HNRNPA1L2: variants seen among roughly 807,000 people sequenced by gnomAD.
HNRNPA1L2 encodes the protein heterogeneous nuclear ribonucleoprotein A1 like 2.
In HNRNPA1L2, 10 loss-of-function variants were observed where a neutral mutation model predicts 18.2. The observed-to-expected ratio is 0.55, with a 90% CI of 0.34 to 0.93. The LOEUF is 0.93. Among genes scored for constraint, HNRNPA1L2 ranks in the 40% least tolerant of loss-of-function variants. The pLI, the probability that HNRNPA1L2 is intolerant of heterozygous loss-of-function variation, is 0.02. For synonymous variants in HNRNPA1L2, 124 were observed against 138.6 expected, an observed-to-expected ratio of 0.89 and a Z score of 0.74; for missense variants, 308 against 394.4, an observed-to-expected ratio of 0.78 and a Z score of 1.85.
chr13:52,623,706 A>G, the HNRNPA1L2 span, among the ~76,000 whole-genome samples: 2 of 152,160 alleles, frequency 1.3e-5, no homozygotes, highest in Non-Finnish European at 2.9e-5. Context: ...AGCTTCATGC[A>G]TAGCCTGCTT....
the HNRNPA1L2 span, among the ~76,000 whole-genome samples, chr13:52,619,607 C>G: frequency 4.3e-4 from 65 of 152,122 alleles, no homozygotes; most frequent in African/African-American, 1.5e-3. Flanking sequence ...GCCGCTGCAC[C>G]TGACCAGTGT....
upstream of HNRNPA1L2, among the ~76,000 whole-genome samples, chr13:52,640,235 C>T (rs1961615954): frequency 6.6e-6 from 1 of 152,206 alleles, no homozygotes; most frequent in African/African-American, 2.4e-5. Flanking sequence ...AGCCATTGCA[C>T]CCAGCTGATG....
chr13:52,618,395 A>G, the HNRNPA1L2 span, among the ~76,000 whole-genome samples: 3 of 152,234 alleles, frequency 2.0e-5, no homozygotes, highest in South Asian at 2.1e-4. Flanking sequence ...ATGAAAGCCT[A>G]ATTCCACTGT....
chr13:52,630,819 T>C, the HNRNPA1L2 span, among the ~76,000 whole-genome samples: 3 of 152,206 alleles, frequency 2.0e-5, no homozygotes, highest in Non-Finnish European at 2.9e-5. Context: ...TACATATTAT[T>C]GAATAAAGTA....
chr13:52,627,035 GT>G, the HNRNPA1L2 span, among the ~76,000 whole-genome samples: 2 of 152,226 alleles, frequency 1.3e-5, no homozygotes, highest in South Asian at 2.1e-4. Context: ...CTGACAATTT[GT>G]TTTTTCATTC....
chr13:52,633,562 A>G, the HNRNPA1L2 span, among the ~76,000 whole-genome samples: 2 of 152,202 alleles, frequency 1.3e-5, no homozygotes, highest in Non-Finnish European at 2.9e-5. Context: ...AATGTTGTAT[A>G]TGGACTTAGG....
chr13:52,635,557 A>G, the HNRNPA1L2 span, among the ~76,000 whole-genome samples: 2 of 150,110 alleles, frequency 1.3e-5, no homozygotes, highest in African/African-American at 4.9e-5. Context: ...AAATCTGAAC[A>G]TTTTCATGTC....
upstream of HNRNPA1L2, chr13:52,641,175 C>T (rs1314797860): frequency 6.6e-6 from 1 of 152,214 alleles, no homozygotes; most frequent in African/African-American, 2.4e-5. Context: ...CACACCAAAT[C>T]ATTGACTCAA....
At chr13:52,635,513 G>A in the HNRNPA1L2 span, among the ~76,000 whole-genome samples, 1 of 151,200 alleles carries the variant, frequency 6.6e-6, no homozygotes, top group Non-Finnish European at 1.5e-5. Flanking sequence ...GACTAGTTTT[G>A]ACAAATAGAT....
chr13:52,629,050 CT>C, the HNRNPA1L2 span, among the ~76,000 whole-genome samples: 7 of 152,032 alleles, frequency 4.6e-5, no homozygotes, highest in African/African-American at 1.7e-4. Flanking sequence ...TAATTTTGTA[CT>C]TTTAGTAGAG....
chr13:52,618,631 A>G, the HNRNPA1L2 span, among the ~76,000 whole-genome samples: 1 of 152,246 alleles, frequency 6.6e-6, no homozygotes, highest in Non-Finnish European at 1.5e-5. Context: ...AAGAATGCAG[A>G]TCCGGGGTTG....
chr13:52,639,209 C>T (rs1002884526), upstream of HNRNPA1L2, among the ~76,000 whole-genome samples: 2 of 152,090 alleles, frequency 1.3e-5, no homozygotes, highest in Non-Finnish European at 2.9e-5. Flanking sequence ...GGACATTGTT[C>T]CCATAAATTC....
the HNRNPA1L2 span, among the ~76,000 whole-genome samples, chr13:52,618,419 A>T: frequency 6.6e-6 from 1 of 152,216 alleles, no homozygotes; most frequent in Non-Finnish European, 1.5e-5. Context: ...ACTTCCATGC[A>T]TAACACTCAG....
rs191397453 is a variant in HNRNPA1L2, at chr13:52,642,954, C to A, written c.462C>A (p.Asp154Glu). ...KKRGFAFVTF[D>E]DHDSVDKIVI... ...GGGGCTTTGCCTTTGTAACCTTTGA[C>A]GACCATGACTCCGTGGATAAGATTG... The change falls in exon 1 of 1, where the codon GAC becomes GAA. Residue 154 changes from aspartate to glutamate, a missense_variant. By Grantham distance (45) the Asp-to-Glu change is conservative (BLOSUM62 2). Coordinates refer to ENST00000357495, the MANE Select transcript of HNRNPA1L2 (RefSeq NM_001389320.1). The A allele has an allele frequency of 3.1e-4, 500 of 1,597,176 alleles. No individual in the cohort carries two copies. The African/African-American group carries it at 5.9e-3, about 19-fold the overall frequency.
upstream of HNRNPA1L2, among the ~76,000 whole-genome samples, chr13:52,639,717 T>G (rs1400180227): frequency 8.6e-6 from 1 of 115,798 alleles, no homozygotes; most frequent in Non-Finnish European, 1.8e-5. Context: ...AAAAAAAAAA[T>G]CAAAACTATC....
chr13:52,627,816 G>T, the HNRNPA1L2 span, among the ~76,000 whole-genome samples: 3 of 152,080 alleles, frequency 2.0e-5, no homozygotes, highest in Non-Finnish European at 4.4e-5. Context: ...ACAGTTTCTT[G>T]TCCATGAAAC....
chr13:52,640,506 A>C (rs1461224101), upstream of HNRNPA1L2, among the ~76,000 whole-genome samples: 1 of 152,240 alleles, frequency 6.6e-6, no homozygotes, highest in Non-Finnish European at 1.5e-5. Context: ...TTGGAAGTTT[A>C]AGAATAACTG....
At chr13:52,635,654 T>C in the HNRNPA1L2 span, among the ~76,000 whole-genome samples, 1 of 151,004 alleles carries the variant, frequency 6.6e-6, no homozygotes, top group Non-Finnish European at 1.5e-5. Context: ...TGCTTTCTGT[T>C]AAAATAGATT....
the HNRNPA1L2 span, among the ~76,000 whole-genome samples, chr13:52,618,869 C>G: frequency 6.6e-6 from 1 of 152,160 alleles, no homozygotes; most frequent in Non-Finnish European, 1.5e-5. Context: ...TATGGAGTTA[C>G]TTATACATAA....
Sources: allele counts gnomAD v4.1 joint callset (sites outside exome capture counted in the v4.1 genomes callset), GRCh38; gene constraint gnomAD v4.1.1; transcripts MANE v1.5; gene names NCBI Gene and HGNC (gene_info 2026-07-23, HGNC 2026-07-21).